ANO10: variants seen among roughly 807,000 people sequenced by gnomAD.
ANO10 encodes the protein anoctamin 10, also known as anoctamin-10.
A neutral mutation model predicts 74.7 loss-of-function variants in ANO10; 77 were observed. The ratio of observed to expected loss-of-function variants is 1.03; its 90% confidence interval spans 0.86 to 1.25. The LOEUF (loss-of-function observed/expected upper bound fraction) is 1.25. Ranked by LOEUF, ANO10 falls within the 50% of genes most tolerant of loss-of-function variation. The pLI is 0.00. For synonymous variants in ANO10, 279 were observed against 284.9 expected (o/e 0.98, Z 0.21); for missense variants, 721 against 778.1 (o/e 0.93, Z 0.87).
At chr3:43,584,235 A>C (rs2081377802) in intron 4 of ANO10, among the ~76,000 whole-genome samples, 1 of 152,216 alleles carries the variant, frequency 6.6e-6, no homozygotes, top group Non-Finnish European at 1.5e-5. Flanking sequence ...ATGAGGGGGA[A>C]CCCCAATATG....
At chr3:43,674,917 G>T (rs1375295243) in intron 1 of ANO10, among the ~76,000 whole-genome samples, 3 of 152,202 alleles carry the variant, frequency 2.0e-5, no homozygotes, top group African/African-American at 7.2e-5. Context: ...GTTCCTGGAA[G>T]GGATTAAAAG....
intron 11 of ANO10, among the ~76,000 whole-genome samples, chr3:43,499,815 T>C (rs1054919090): frequency 6.6e-6 from 1 of 152,044 alleles, no homozygotes; most frequent in African/African-American, 2.4e-5. Context: ...TATAGGCTTG[T>C]TAATGTACTA....
At chr3:43,575,207 G>A (rs1198583552) in intron 6 of ANO10, among the ~76,000 whole-genome samples, 1 of 152,024 alleles carries the variant, frequency 6.6e-6, no homozygotes, top group Non-Finnish European at 1.5e-5. Context: ...CTAGAGAAGA[G>A]GGCAATAAAT....
intron 1 of ANO10, among the ~76,000 whole-genome samples, chr3:43,628,892 G>A (rs149655789): frequency 0.024 from 3,616 of 152,228 alleles, 145 homozygotes; most frequent in African/African-American, 0.082. Flanking sequence ...AATGGTGCCC[G>A]AAACTTCATT....
At chr3:43,678,283 G>C (rs1303562573) in intron 1 of ANO10, among the ~76,000 whole-genome samples, 2 of 152,212 alleles carry the variant, frequency 1.3e-5, no homozygotes, top group Non-Finnish European at 2.9e-5. Context: ...TCTACTGAAT[G>C]TGTATTGCTT....
At chr3:43,395,853 G>T (rs147534279) in intron 12 of ANO10, among the ~76,000 whole-genome samples, 1 of 151,950 alleles carries the variant, frequency 6.6e-6, no homozygotes, top group East Asian at 1.9e-4. Context: ...TTATTAAAAG[G>T]CTGGACGTAA....
At chr3:43,427,115 G>A (rs562932673) in intron 12 of ANO10, among the ~76,000 whole-genome samples, 4 of 152,122 alleles carry the variant, frequency 2.6e-5, no homozygotes, top group Admixed American at 2.6e-4. Flanking sequence ...CCATAGACTG[G>A]GGAATCCAGT....
intron 4 of ANO10, among the ~76,000 whole-genome samples, chr3:43,585,358 A>C (rs982599384): frequency 6.7e-6 from 1 of 149,058 alleles, no homozygotes; most frequent in African/African-American, 2.5e-5. Context: ...AGAGGAAGAA[A>C]GGAAAAAAAA....
chr3:43,397,605 T>C (rs963433924), intron 12 of ANO10, among the ~76,000 whole-genome samples: 1 of 152,226 alleles, frequency 6.6e-6, no homozygotes, highest in African/African-American at 2.4e-5. Flanking sequence ...TGTATTCCGA[T>C]TTTCCTAATC....
chr3:43,604,849 C>A (rs1318712762), intron 2 of ANO10, among the ~76,000 whole-genome samples: 1 of 152,112 alleles, frequency 6.6e-6, no homozygotes, highest in Non-Finnish European at 1.5e-5. Flanking sequence ...GCTCACATTT[C>A]AGCAAGCAAA....
intron 12 of ANO10, among the ~76,000 whole-genome samples, chr3:43,414,217 T>C (rs1185461203): frequency 2.6e-5 from 4 of 152,042 alleles, no homozygotes; most frequent in Non-Finnish European, 5.9e-5. Context: ...GTTCAAACAA[T>C]GGCTACTCTG....
At chr3:43,628,590 C>T (rs576865708) in intron 1 of ANO10, among the ~76,000 whole-genome samples, 9 of 152,150 alleles carry the variant, frequency 5.9e-5, no homozygotes, top group East Asian at 5.8e-4. Context: ...GTGAGCCGGG[C>T]GGAACAGAGA....
At chr3:43,421,902 A>G (rs2092825508) in intron 12 of ANO10, among the ~76,000 whole-genome samples, 1 of 152,172 alleles carries the variant, frequency 6.6e-6, no homozygotes, top group African/African-American at 2.4e-5. Context: ...CTCCCTCTTC[A>G]TAACTTTTTC....
At chr3:43,430,046 A>G (rs1362698223) in intron 12 of ANO10, among the ~76,000 whole-genome samples, 3 of 152,162 alleles carry the variant, frequency 2.0e-5, no homozygotes, top group African/African-American at 7.2e-5. Context: ...ATCATGACAT[A>G]ATCCAATAGA....
intron 11 of ANO10, among the ~76,000 whole-genome samples, chr3:43,458,042 G>C (rs1226777746): frequency 6.6e-6 from 1 of 152,098 alleles, no homozygotes; most frequent in Non-Finnish European, 1.5e-5. Flanking sequence ...CTGAGCTCCA[G>C]GCAACAAAGA....
chr3:43,447,575 A>G (rs967367922), intron 11 of ANO10, among the ~76,000 whole-genome samples: 1 of 152,248 alleles, frequency 6.6e-6, no homozygotes, highest in African/African-American at 2.4e-5. Flanking sequence ...AAAAGGGAAG[A>G]AAGAAGAAGA....
At chr3:43,377,617 C>T (rs576183791) in intron 12 of ANO10, among the ~76,000 whole-genome samples, 2 of 152,204 alleles carry the variant, frequency 1.3e-5, no homozygotes, top group Non-Finnish European at 2.9e-5. Context: ...AGATGACCAT[C>T]TAGCCAGCCC....
intron 11 of ANO10, among the ~76,000 whole-genome samples, chr3:43,437,239 A>G (rs2148954822): frequency 6.6e-6 from 1 of 152,348 alleles, no homozygotes; most frequent in South Asian, 2.1e-4. Context: ...AAATAAGAGA[A>G]GTTGCCAGAA....
chr3:43,393,635 C>A (rs1007249082), intron 12 of ANO10, among the ~76,000 whole-genome samples: 3 of 152,216 alleles, frequency 2.0e-5, no homozygotes, highest in Admixed American at 2.0e-4. Flanking sequence ...TTCCCTCCAG[C>A]CACACTGGTC....
Sources: gnomAD v4.1 joint callset for allele counts (sites outside exome capture counted in the v4.1 genomes callset) on GRCh38, gnomAD v4.1.1 for gene constraint, MANE v1.5 for transcripts, NCBI Gene and HGNC (gene_info 2026-07-23, HGNC 2026-07-21) for gene names.